OAT: variants seen among roughly 807,000 people sequenced by gnomAD.
OAT encodes ornithine aminotransferase, also known as ornithine aminotransferase, mitochondrial.
A neutral mutation model predicts 48.4 loss-of-function variants in OAT; 35 were observed. The observed-to-expected ratio is 0.72, with a 90% CI of 0.55 to 0.96. The LOEUF (loss-of-function observed/expected upper bound fraction) is 0.96, where lower values mean the gene tolerates loss of function less well. OAT is among the 40% of genes least tolerant of loss of function. The pLI, the probability that OAT is intolerant of heterozygous loss-of-function variation, is 0.00. For missense variants in OAT, 438 were observed against 537.9 expected (o/e 0.81, Z 1.84); for synonymous variants, 182 against 198.4 (o/e 0.92, Z 0.70).
intron 9 of OAT, among the ~76,000 whole-genome samples, chr10:124,400,101 T>C (rs1316509933): frequency 2.0e-5 from 3 of 152,132 alleles, no homozygotes; most frequent in Non-Finnish European, 2.9e-5. Flanking sequence ...GTCTAAAAGG[T>C]TTGGTCATTA....
At chr10:124,405,649 G>A in intron 4 of OAT, 86 bp from the exon 5 acceptor site, 1 of 1,579,724 alleles carries the variant, frequency 6.3e-7, no homozygotes, top group Non-Finnish European at 8.6e-7. Flanking sequence ...CAAGAAGTTT[G>A]ACTCAAAAAA....
chr10:124,416,657 C>A (rs1344618826), intron 1 of OAT, among the ~76,000 whole-genome samples: 2 of 152,166 alleles, frequency 1.3e-5, no homozygotes, highest in Admixed American at 6.5e-5. Context: ...TACATTAGAA[C>A]ATACCTACAG....
At chr10:124,409,653 G>A (rs1160623808) in intron 2 of OAT, among the ~76,000 whole-genome samples, 1 of 151,858 alleles carries the variant, frequency 6.6e-6, no homozygotes, top group Non-Finnish European at 1.5e-5. Flanking sequence ...CCCTTAGGAT[G>A]GAAAAAAAAT....
chr10:124,410,130 T>C (rs905560973), intron 2 of OAT, among the ~76,000 whole-genome samples: 2 of 152,200 alleles, frequency 1.3e-5, no homozygotes, highest in Non-Finnish European at 2.9e-5. Context: ...TAAACTTTGG[T>C]TTTATTTGGT....
At chr10:124,406,012 G>C in intron 4 of OAT, 1 of 1,041,466 alleles carries the variant, frequency 9.6e-7, no homozygotes, top group Non-Finnish European at 1.2e-6. Flanking sequence ...GCTAACAACA[G>C]AATGCATTTC....
chr10:124,411,980 T>C lies in OAT; in HGVS notation c.192A>G (p.Arg64=), dbSNP rs1329587046. ...GATTAATTTGAAACGTACCTTTTCC[T>C]CTCTCCAGGGCTACAGGTAAAGGAT... is the stretch of plus-strand genomic sequence containing the variant. The part of the protein sequence containing the change: ...NYHPLPVALE[R]GKGIYLWDVE... The change falls in exon 2 of 10, where the codon AGA becomes AGG. Residue 64 remains arginine (R), a synonymous_variant. Coordinates refer to ENST00000368845, the MANE Select transcript of OAT (RefSeq NM_000274.4). 2 of 1,613,794 alleles carry C rather than the reference T, an allele frequency of 1.2e-6. No homozygotes were observed. Among genetic ancestry groups the C allele is most frequent in the Non-Finnish European group, 8.5e-7 (1 of 1,179,662 alleles).
chr10:124,411,815 CAAAAAAA>C (rs60176788), intron 2 of OAT, among the ~76,000 whole-genome samples, 151 bp downstream of exon 2: 1 of 107,594 alleles, frequency 9.3e-6, no homozygotes, highest in Admixed American at 9.7e-5. Context: ...GACTCCGTCT[CAAAAAAA>C]AAAAAAAAAA....
At chr10:124,418,674 G>C (rs953041097) in intron 1 of OAT, among the ~76,000 whole-genome samples, 199 bp downstream of exon 1, 5 of 151,092 alleles carry the variant, frequency 3.3e-5, no homozygotes, top group African/African-American at 1.2e-4. Context: ...CAGGGCGCCC[G>C]GGTCCGAGCC....
Position 124,397,921 on chromosome 10 carries a change from ACTGAAAACAG to A in OAT, c.*11_*20del. 6.2e-7 allele frequency: 1 copy of A among 1,613,602 alleles called. No homozygotes were observed. Among genetic ancestry groups the A allele is most frequent in the Non-Finnish European group, 8.5e-7 (1 of 1,179,798 alleles). On this transcript the variant is annotated 3_prime_UTR_variant, in exon 10 of 10. Coordinates refer to ENST00000368845, the MANE Select transcript of OAT (RefSeq NM_000274.4). Reference sequence around the variant, plus strand: ...TGTCTCCAGCTGGCTCCCAGGGACCACTGAAAACAGCTGGCTACCCTCAGAAAGACAAGAT... The same window carrying A: ...TGTCTCCAGCTGGCTCCCAGGGACCACTGGCTACCCTCAGAAAGACAAGAT...
Position 124,407,420 on chromosome 10 carries a change from T to C in OAT, c.520+1122A>G, listed in dbSNP as rs1038648476. The C allele has an allele frequency of 3.0e-6, 3 of 985,326 alleles. No individual in the cohort carries two copies. The African/African-American group carries it at 5.2e-5, about 17-fold the overall frequency. 61.0% of individuals were successfully genotyped at this position (985,326 alleles called of 1,614,324 possible). A position where few individuals can be genotyped will look rare whatever the true frequency, so the allele number is the denominator to read the frequency against. On this transcript the variant is annotated intron_variant, in intron 4 of 9. Coordinates refer to ENST00000368845, the MANE Select transcript of OAT (RefSeq NM_000274.4). The stretch of plus-strand genomic sequence containing the variant: ...TAAGAAAGAGACTGGACACAGTCTA[T>C]AAGAATGAAAATCACCAGAAACACC...
chr10:124,399,984 A>G (rs1589695544), intron 9 of OAT, among the ~76,000 whole-genome samples: 1 of 152,258 alleles, frequency 6.6e-6, no homozygotes, highest in Non-Finnish European at 1.5e-5. Context: ...AGGCAGAAAA[A>G]TAAGTGTCTT....
In OAT at chr10:124,403,044, A is replaced by G; in HGVS notation, c.783T>C (p.Ile261=). The G allele has an allele frequency of 6.2e-7, 1 of 1,614,114 alleles. No individual in the cohort carries two copies. Among genetic ancestry groups the G allele is most frequent in the Non-Finnish European group, 8.5e-7 (1 of 1,180,018 alleles). ...CCAATCCTGTCTGTATTTCATCAGC[A>G]ATAAAGAGAACCTATTGGGGAAAAA... The part of the protein sequence containing the change: ...ELCTRHQVLF[I]ADEIQTGLAR... Residue 261 remains isoleucine (I), a synonymous_variant, in exon 7 of 10, where the codon ATT becomes ATC. Coordinates refer to ENST00000368845, the MANE Select transcript of OAT (RefSeq NM_000274.4).
rs752593582 is a variant in OAT at position 124,403,938 on chromosome 10, A to G, written c.649-18T>C. 5.6e-6 allele frequency: 9 copies of G among 1,613,862 alleles called. No individual in the cohort carries two copies. The Admixed American group carries it at 1.2e-4, about 21-fold the overall frequency. ...AGAGCACGCTACAGAAGAAACAGGAATAAGTTTTAATAACTTCCTTTCTAC... is the reference window on the plus strand; with the variant it reads ...AGAGCACGCTACAGAAGAAACAGGAGTAAGTTTTAATAACTTCCTTTCTAC... On this transcript the variant is annotated intron_variant, in intron 5 of 9. Transcript: ENST00000368845.
chr10:124,397,697 G>A lies in OAT; in HGVS notation c.*245C>T. On this transcript the variant is annotated 3_prime_UTR_variant, in exon 10 of 10. Transcript: ENST00000368845. ...ATATAGATGCATTTCACCTTAGGAA[G>A]TACACATGCACATCAAAACACTTCA... 2 of 485,916 alleles carry A rather than the reference G, an allele frequency of 4.1e-6. No homozygotes were observed. The highest frequency in any genetic ancestry group is 7.5e-6 in the Non-Finnish European group (2 of 268,450). The allele number at this position is 485,916 out of a possible 1,614,324, so 30.1% of individuals were successfully genotyped here.
chr10:124,400,446 TAAAAAAAAAAAA>T (rs56370450), intron 9 of OAT, among the ~76,000 whole-genome samples: 1 of 103,848 alleles, frequency 9.6e-6, no homozygotes, highest in Non-Finnish European at 2.0e-5. Context: ...GACTCCATCT[TAAAAAAAAAAAA>T]AAAAAAAAAG....
chr10:124,415,074 T>TGTGTCGCTAACA (rs1564742697), intron 1 of OAT: 1 of 16,854 alleles, frequency 5.9e-5, no homozygotes, highest in Admixed American at 9.1e-4. Context: ...TACAAAGCGC[T>TGTGTCGCTAACA]AAAAAAAAAA....
chr10:124,414,255 T>G (rs1951846910), intron 1 of OAT: 2 of 152,220 alleles, frequency 1.3e-5, no homozygotes, highest in Admixed American at 1.3e-4. Context: ...CTTACTTCCC[T>G]TTAAACTTGG....
Position 124,398,080 on chromosome 10 carries a change from A to T in OAT, c.1182T>A (p.Cys394Ter). The change falls in exon 10 of 10, where the codon TGT becomes TGA. Residue 394 changes from cysteine to a stop codon, truncating the protein, a stop_gained. Coordinates refer to ENST00000368845, the MANE Select transcript of OAT (RefSeq NM_000274.4). LOFTEE classifies it high-confidence loss of function. ...GAAGTCCATTATCTCGAAGTCGTAGACACACCTTCCAAGCATCCCAATCTA... is the reference window on the plus strand; with the variant it reads ...GAAGTCCATTATCTCGAAGTCGTAGTCACACCTTCCAAGCATCCCAATCTA... Reference protein sequence around the residue: ...ETKDWDAWKVCLRLRDNGLLA... With the variant: ...ETKDWDAWKV The T allele has an allele frequency of 6.2e-7, 1 of 1,614,104 alleles. No individual in the cohort carries two copies. The highest frequency in any genetic ancestry group is 8.5e-7 in the Non-Finnish European group (1 of 1,179,978).
At chr10:124,415,637 T>C (rs1951894628) in intron 1 of OAT, among the ~76,000 whole-genome samples, 1 of 152,202 alleles carries the variant, frequency 6.6e-6, no homozygotes, top group Non-Finnish European at 1.5e-5. Context: ...TAACAGCCTC[T>C]TCCAAAAAGG....
Sources: gnomAD v4.1 joint callset for allele counts (sites outside exome capture counted in the v4.1 genomes callset) on GRCh38, gnomAD v4.1.1 for gene constraint, MANE v1.5 for transcripts, NCBI Gene and HGNC (gene_info 2026-07-23, HGNC 2026-07-21) for gene names.